The following MINAR1 variants were observed in gnomAD, a reference collection of about 807,000 sequenced individuals.
The protein encoded by MINAR1 is membrane integral NOTCH2 associated receptor 1, also known as major intrinsically disordered Notch2-binding receptor 1.
In MINAR1, 40 loss-of-function variants were observed where a neutral mutation model predicts 65.1. The observed-to-expected ratio is 0.61, with a 90% CI of 0.48 to 0.80. The LOEUF (loss-of-function observed/expected upper bound fraction) is 0.80. Ranked by LOEUF, MINAR1 falls within the 30% of genes least tolerant of loss-of-function variation. The probability of loss-of-function intolerance (pLI) is 0.00; values close to 1 mark genes in which losing one functional copy is unlikely to be tolerated. For missense variants in MINAR1, 1,128 were observed against 1,148.0 expected (o/e 0.98, Z 0.25); for synonymous variants, 482 against 449.1 (o/e 1.07, Z -0.93).
chr15:79,456,789 C>G lies in MINAR1; in HGVS notation c.642C>G (p.Thr214=), dbSNP rs1249292266. ...CTCAGCCCTGTGAGATGCAGAGGACCTACTTCCCCATGAACATCGAAAACG... is the reference window on the plus strand; with the variant it reads ...CTCAGCCCTGTGAGATGCAGAGGACGTACTTCCCCATGAACATCGAAAACG... ...TSPQPCEMQR[T]YFPMNIENES... is the part of the protein sequence containing the mutation. The change falls in exon 2 of 4, where the codon ACC becomes ACG. Residue 214 remains threonine (T), a synonymous_variant. Transcript: ENST00000305428. 1.9e-6 allele frequency: 3 copies of G among 1,614,166 alleles called. No homozygotes were observed. Among genetic ancestry groups the G allele is most frequent in the Non-Finnish European group, 2.5e-6 (3 of 1,180,042 alleles).
upstream of MINAR1, among the ~76,000 whole-genome samples, chr15:79,428,569 A>C (rs1894372550): frequency 7.1e-6 from 1 of 140,882 alleles, no homozygotes; most frequent in Admixed American, 7.7e-5. Context: ...TGCCATTTTC[A>C]GTCACAAACT....
At chr15:79,467,387 TGAG>T (rs1177568632) in intron 3 of MINAR1, among the ~76,000 whole-genome samples, 1 of 152,230 alleles carries the variant, frequency 6.6e-6, no homozygotes, top group Non-Finnish European at 1.5e-5. Context: ...TGCCATAAAA[TGAG>T]AACACTGCCT....
Position 79,456,487 on chromosome 15 carries a change from A to G in MINAR1, c.340A>G (p.Lys114Glu). The change falls in exon 2 of 4, where the codon AAG becomes GAG. Residue 114 changes from lysine (K) to glutamate (E), a missense_variant. Coordinates refer to ENST00000305428, the MANE Select transcript of MINAR1 (RefSeq NM_015206.3). ...KLPTGRQKVR[K>E]KEASFESCRS... ...GCCCACGGGCCGCCAGAAGGTACGC[A>G]AGAAGGAGGCATCCTTTGAATCATG... The G allele has an allele frequency of 6.2e-7, 1 of 1,614,052 alleles. No homozygotes were observed.
chr15:79,441,738 C>A (rs1894874769), intron 1 of MINAR1, among the ~76,000 whole-genome samples: 1 of 152,102 alleles, frequency 6.6e-6, no homozygotes, highest in South Asian at 2.1e-4. Context: ...TTATAGATAC[C>A]ATAACAAATA....
rs747081227 is a variant in MINAR1, at chr15:79,469,597, G to A, written c.*1213G>A. On this transcript the variant is annotated 3_prime_UTR_variant, in exon 4 of 4. Coordinates refer to ENST00000305428, the MANE Select transcript of MINAR1 (RefSeq NM_015206.3). ...TCTAAATACTTGATTTTTATTTATT[G>A]TCTTCTCTGTTAAATAACTTGAGAG... The A allele has an allele frequency of 2.6e-5, 4 of 152,142 alleles. No homozygotes were observed. The highest frequency in any genetic ancestry group is 4.4e-5 in the Non-Finnish European group (3 of 67,964). 9.4% of individuals were successfully genotyped at this position (152,142 alleles called of 1,614,324 possible).
the MINAR1 span, chr15:79,417,243 A>G: frequency 5.9e-5 from 9 of 152,348 alleles, no homozygotes; most frequent in African/African-American, 2.2e-4. Context: ...CAATCACAAG[A>G]ATGTAGAATA....
intron 3 of MINAR1, 25 bp downstream of exon 3, chr15:79,463,346 G>T (rs758551633): frequency 1.3e-6 from 2 of 1,572,304 alleles, no homozygotes; most frequent in Non-Finnish European, 1.7e-6. Flanking sequence ...GTCCCTGGGT[G>T]GGGGAAGCCC....
intron 3 of MINAR1, 28 bp downstream of exon 3, chr15:79,463,349 G>A: frequency 1.9e-6 from 3 of 1,602,922 alleles, no homozygotes; most frequent in Non-Finnish European, 2.6e-6. Context: ...CCTGGGTGGG[G>A]GAAGCCCAGC....
Position 79,444,771 on chromosome 15 carries a change from TA to T in MINAR1, c.-50-11316del, listed in dbSNP as rs34673288. 7.2e-3 allele frequency among the ~76,000 whole-genome samples: 1,068 copies of T among 148,154 alleles called. 12 individuals carry two copies. The highest frequency in any genetic ancestry group is 0.022 in the African/African-American group (908 of 40,572). On this transcript the variant is annotated intron_variant, in intron 1 of 3. Coordinates refer to ENST00000305428, the MANE Select transcript of MINAR1 (RefSeq NM_015206.3). ...ATTTGTTAATTTTATTACCTTATTG[TA>T]AAAAAAAAAATCACTGCAGGATATA...
intron 1 of MINAR1, among the ~76,000 whole-genome samples, chr15:79,441,720 T>C (rs1894874245): frequency 6.6e-6 from 1 of 152,106 alleles, no homozygotes; most frequent in Non-Finnish European, 1.5e-5. Flanking sequence ...GTGGTATGAG[T>C]ATACTGATTA....
At chr15:79,456,063 T>G in intron 1 of MINAR1, 35 bp from the exon 2 acceptor site, 1 of 1,388,380 alleles carries the variant, frequency 7.2e-7, no homozygotes, top group Non-Finnish European at 9.9e-7. Context: ...TATAATCCTC[T>G]TTTCCTCCTC....
At chr15:79,434,849 A>G (rs1263461898) in intron 1 of MINAR1, among the ~76,000 whole-genome samples, 1 of 152,212 alleles carries the variant, frequency 6.6e-6, no homozygotes, top group Admixed American at 6.5e-5. Flanking sequence ...ACCTTGGTAA[A>G]TTATGTAACT....
At position 79,471,374 on chromosome 15, in the gene MINAR1, TC is replaced by T. The variant is rs1023965834; in HGVS notation, c.*2991del. 1.2e-4 allele frequency: 19 copies of T among 152,526 alleles called. No homozygotes were observed. The highest frequency in any genetic ancestry group is 2.6e-4 in the Admixed American group (4 of 15,302). 9.4% of individuals were successfully genotyped at this position (152,526 alleles called of 1,614,324 possible). On this transcript the variant is annotated 3_prime_UTR_variant, in exon 4 of 4. Transcript: ENST00000305428. Reference sequence around the variant, plus strand: ...CATTTCATCTTCTTTCATAATCATTTCATCTTCTAATCTGAATTTGTTTTGA... The same window carrying T: ...CATTTCATCTTCTTTCATAATCATTTATCTTCTAATCTGAATTTGTTTTGA...
At chr15:79,466,655 A>G (rs1432236658) in intron 3 of MINAR1, among the ~76,000 whole-genome samples, 1 of 152,234 alleles carries the variant, frequency 6.6e-6, no homozygotes, top group Admixed American at 6.5e-5. Context: ...TGTGCTAGAC[A>G]ACTATGAGCA....
At chr15:79,466,459 A>ATCTT (rs750888568) in intron 3 of MINAR1, among the ~76,000 whole-genome samples, 7 of 152,210 alleles carry the variant, frequency 4.6e-5, no homozygotes, top group Admixed American at 2.0e-4. Context: ...GTTCCCATAA[A>ATCTT]TCTTTATTTT....
chr15:79,452,584 CTG>C lies in MINAR1; in HGVS notation c.-50-3510_-50-3509del, dbSNP rs199771079. Among the ~76,000 whole-genome samples, 1,054 of 132,506 alleles carry C rather than the reference CTG, an allele frequency of 8.0e-3. 11 individuals are homozygous for C. The highest frequency in any genetic ancestry group is 0.029 in the African/African-American group (990 of 34,414). 86.9% of individuals were successfully genotyped at this position (132,506 alleles called of 152,430 possible). Reference sequence around the variant, plus strand: ...TGTGTGTGTGAGTGTATGGGTGAGTCTGTGTAGGTGTGAGTCTGGGTTAGTCT... The same window carrying C: ...TGTGTGTGTGAGTGTATGGGTGAGTCTGTAGGTGTGAGTCTGGGTTAGTCT... On this transcript the variant is annotated intron_variant, in intron 1 of 3. Transcript: ENST00000305428.
At chr15:79,439,702 G>A (rs1299236259) in intron 1 of MINAR1, among the ~76,000 whole-genome samples, 2 of 151,842 alleles carry the variant, frequency 1.3e-5, no homozygotes, top group Non-Finnish European at 2.9e-5. Flanking sequence ...CTGCAGGCAT[G>A]GCCAGGGTCT....
chr15:79,450,535 T>TA (rs201886091), intron 1 of MINAR1, among the ~76,000 whole-genome samples: 2,916 of 142,884 alleles, frequency 0.02, 62 homozygotes, highest in African/African-American at 0.049. Flanking sequence ...GTCTTCCTAT[T>TA]AAAAAAAAAA....
chr15:79,427,274 A>C, the MINAR1 span: 1 of 152,208 alleles, frequency 6.6e-6, no homozygotes, highest in Non-Finnish European at 1.5e-5. Flanking sequence ...TGGAGGGTGG[A>C]GGATGGGAGG....
Sources: gnomAD v4.1 joint callset for allele counts (sites outside exome capture counted in the v4.1 genomes callset) on GRCh38, gnomAD v4.1.1 for gene constraint, MANE v1.5 for transcripts, NCBI Gene and HGNC (gene_info 2026-07-23, HGNC 2026-07-21) for gene names.